The following MEGF6 variants were observed in gnomAD, a reference collection of about 807,000 sequenced individuals.
The protein encoded by MEGF6 is multiple EGF like domains 6.
MEGF6 carries 184 observed loss-of-function variants against 207.1 expected under a neutral mutation model. The ratio of observed to expected loss-of-function variants is 0.89; its 90% confidence interval spans 0.79 to 1.00. The LOEUF (loss-of-function observed/expected upper bound fraction) is 1.00. Ranked by LOEUF, MEGF6 falls within the 50% of genes least tolerant of loss-of-function variation. MEGF6 has a pLI of 0.00. For missense variants in MEGF6, 2,282 were observed against 2,202.9 expected (o/e 1.04, Z -0.72); for synonymous variants, 1,038 against 910.0 (o/e 1.14, Z -2.53).
chr1:3,616,458 C>T (rs1406819853), upstream of MEGF6, among the ~76,000 whole-genome samples: 1 of 152,142 alleles, frequency 6.6e-6, no homozygotes, highest in Non-Finnish European at 1.5e-5. Flanking sequence ...ACACCAACGA[C>T]CACCCCGGAC....
intron 18 of MEGF6, among the ~76,000 whole-genome samples, 184 bp from the exon 19 acceptor site, chr1:3,501,492 C>T (rs1248125297): frequency 6.6e-6 from 1 of 152,066 alleles, no homozygotes; most frequent in Non-Finnish European, 1.5e-5. Context: ...GGGGTGCGCA[C>T]CCACAGTAGA....
chr1:3,514,342 A>G (rs1219330425), intron 7 of MEGF6, among the ~76,000 whole-genome samples: 1 of 151,844 alleles, frequency 6.6e-6, no homozygotes, highest in Non-Finnish European at 1.5e-5. Flanking sequence ...TCGGGCTGGG[A>G]GCAGCTTTTG....
intron 30 of MEGF6, among the ~76,000 whole-genome samples, chr1:3,495,225 C>A (rs1640551384): frequency 2.0e-5 from 3 of 152,178 alleles, no homozygotes; most frequent in Non-Finnish European, 4.4e-5. Context: ...TGAGGCGGGG[C>A]CAAGCTACAT....
intron 5 of MEGF6, among the ~76,000 whole-genome samples, chr1:3,522,494 C>T (rs563588208): frequency 2.6e-5 from 4 of 152,140 alleles, no homozygotes; most frequent in South Asian, 4.1e-4. Context: ...CAGATTAAGC[C>T]TTCTGGGGCC....
rs1641185867 is a variant in MEGF6 at position 3,508,053 on chromosome 1, A to ACCCCTG, written c.1661-136_1661-131dup. On this transcript the variant is annotated intron_variant, in intron 13 of 36. Transcript: ENST00000356575. ...AAAATGATGGCACTTGTACCACATCACCCCTGCCCATGCTCATGGCAGACA... is the reference window on the plus strand; with the variant it reads ...AAAATGATGGCACTTGTACCACATCACCCCTGCCCCTGCCCATGCTCATGGCAGACA... 3 of 989,822 alleles carry ACCCCTG rather than the reference A, an allele frequency of 3.0e-6. No homozygotes were observed. In the East Asian group the frequency reaches 8.0e-5, roughly 26 times the overall value. 61.3% of individuals were successfully genotyped at this position (989,822 alleles called of 1,614,324 possible). A position where few individuals can be genotyped will look rare whatever the true frequency, so the allele number is the denominator to read the frequency against.
chr1:3,517,528 T>C (rs1641588987), intron 5 of MEGF6, among the ~76,000 whole-genome samples: 1 of 152,204 alleles, frequency 6.6e-6, no homozygotes. Context: ...CCCGGAAAGC[T>C]GAACCAGGCA....
chr1:3,504,885 C>A (rs547730677), intron 17 of MEGF6, among the ~76,000 whole-genome samples: 36 of 152,326 alleles, frequency 2.4e-4, no homozygotes, highest in Middle Eastern at 3.4e-3. Flanking sequence ...GAAGCCCAGT[C>A]TGTTCTGGTC....
the MEGF6 span, among the ~76,000 whole-genome samples, chr1:3,622,206 C>T: frequency 6.6e-6 from 1 of 152,076 alleles, no homozygotes; most frequent in Admixed American, 6.6e-5. Flanking sequence ...AATTGTAATC[C>T]CCACATGTCG....
rs964887766 is a variant in MEGF6, at chr1:3,556,830, T to C, written c.481+22995A>G. 3.3e-5 allele frequency among the ~76,000 whole-genome samples: 5 copies of C among 152,168 alleles called. No individual in the cohort carries two copies. The highest frequency in any genetic ancestry group is 7.3e-5 in the Non-Finnish European group (5 of 68,030). On this transcript the variant is annotated intron_variant, in intron 4 of 36. Coordinates refer to ENST00000356575, the MANE Select transcript of MEGF6 (RefSeq NM_001409.4). The surrounding 1 kb of genome is among the most constrained non-coding windows in gnomAD (Gnocchi z 4.4). Reference sequence around the variant, plus strand: ...TCACAGACCGGAGAATGTTAAAAACTGCCGAGCCTGCCGGGTGAGGATGGT... The same window carrying C: ...TCACAGACCGGAGAATGTTAAAAACCGCCGAGCCTGCCGGGTGAGGATGGT...
chr1:3,588,016 A>G (rs1316970115), intron 3 of MEGF6, among the ~76,000 whole-genome samples: 1 of 1,366 alleles, frequency 7.3e-4, no homozygotes. Context: ...GCAGGAGGGG[A>G]CAGGAGGGGG....
At chr1:3,500,295 G>A (rs951088377) in intron 21 of MEGF6, among the ~76,000 whole-genome samples, 2 of 152,258 alleles carry the variant, frequency 1.3e-5, no homozygotes, top group Non-Finnish European at 2.9e-5. Flanking sequence ...CCCACAGTGG[G>A]GGACAGACCC....
chr1:3,556,987 G>A lies in MEGF6; in HGVS notation c.481+22838C>T, dbSNP rs1643053357. ...TGGAATCACATGGAGTTTCATGGGT[G>A]CTGGGGATGCGGGGAAGGCAGGAGG... On this transcript the variant is annotated intron_variant, in intron 4 of 36. Coordinates refer to ENST00000356575, the MANE Select transcript of MEGF6 (RefSeq NM_001409.4). The surrounding 1 kb of genome is among the most constrained non-coding windows in gnomAD (Gnocchi z 4.4). Among the ~76,000 whole-genome samples, 2 of 152,324 alleles carry A rather than the reference G, an allele frequency of 1.3e-5. No individual in the cohort carries two copies. The highest frequency in any genetic ancestry group is 4.1e-4 in the South Asian group (2 of 4,824).
intron 18 of MEGF6, 86 bp downstream of exon 18, chr1:3,501,710 G>C: frequency 6.6e-7 from 1 of 1,508,954 alleles, no homozygotes; most frequent in Non-Finnish European, 8.9e-7. Context: ...GGATCCGCAG[G>C]GCTGGGGCCC....
rs1293701823 is a variant in MEGF6 at position 3,495,880 on chromosome 1, G to C, written c.3871+10C>G. The C allele has an allele frequency of 6.3e-7, 1 of 1,597,930 alleles. No homozygotes were observed. The highest frequency in any genetic ancestry group is 8.5e-7 in the Non-Finnish European group (1 of 1,179,166). ...GGCCTGTGAGCATGCCCTCTGGAGT[G>C]AACACTCACCTCGCTCACAGCGGAC... On this transcript the variant is annotated intron_variant, in intron 30 of 36. Coordinates refer to ENST00000356575, the MANE Select transcript of MEGF6 (RefSeq NM_001409.4).
At position 3,611,086 on chromosome 1, in the gene MEGF6, G is replaced by T. The variant is rs1403197358; in HGVS notation, c.131+52C>A. 3 of 1,424,638 alleles carry T rather than the reference G, an allele frequency of 2.1e-6. No homozygotes were observed. In the African/African-American group the frequency reaches 4.5e-5, roughly 21 times the overall value. 88.2% of individuals were successfully genotyped at this position (1,424,638 alleles called of 1,614,324 possible). A position where few individuals can be genotyped will look rare whatever the true frequency, so the allele number is the denominator to read the frequency against. On this transcript the variant is annotated intron_variant, in intron 1 of 36. Transcript: ENST00000356575. ...CTCGGTCCACCACGGGCCTCCAGAG[G>T]CCCCGGGGTCCCTGGACGACCGGCC...
chr1:3,495,649 G>A lies in MEGF6; in HGVS notation c.3871+241C>T, dbSNP rs187847357. On this transcript the variant is annotated intron_variant, in intron 30 of 36. Coordinates refer to ENST00000356575, the MANE Select transcript of MEGF6 (RefSeq NM_001409.4). ...GGGGTCACTGGGTGGCCTGAGCCTC[G>A]GGGGCTGAGTGTCGAGGTAGGGGCT... Among the ~76,000 whole-genome samples the A allele has an allele frequency of 2.7e-3, 412 of 152,284 alleles. 1 individual carries two copies. The highest frequency in any genetic ancestry group is 4.2e-3 in the Non-Finnish European group (287 of 68,022).
In MEGF6 at chr1:3,497,480, G is replaced by A. The variant is rs553872555; in HGVS notation, c.3353-119C>T. On this transcript the variant is annotated intron_variant, in intron 26 of 36. Coordinates refer to ENST00000356575, the MANE Select transcript of MEGF6 (RefSeq NM_001409.4). Reference sequence around the variant, plus strand: ...CCACCCAATGCTGGCTGAACTGGGGGCTGTGCTCACCATTCTCACACCTGG... The same window carrying A: ...CCACCCAATGCTGGCTGAACTGGGGACTGTGCTCACCATTCTCACACCTGG... 44 of 1,279,628 alleles carry A rather than the reference G, an allele frequency of 3.4e-5. 1 individual carries two copies. The South Asian group carries it at 5.5e-4, about 16-fold the overall frequency. The allele number at this position is 1,279,628 out of a possible 1,614,324, so 79.3% of individuals were successfully genotyped here.
At chr1:3,568,212 A>G (rs1398477326) in intron 4 of MEGF6, among the ~76,000 whole-genome samples, 1 of 152,090 alleles carries the variant, frequency 6.6e-6, no homozygotes, top group Non-Finnish European at 1.5e-5. Context: ...TGGAGTGATG[A>G]GGGGGTGAAG....
rs547550611 is a variant in MEGF6, at chr1:3,544,535, C to T, written c.482-20289G>A. On this transcript the variant is annotated intron_variant, in intron 4 of 36. Coordinates refer to ENST00000356575, the MANE Select transcript of MEGF6 (RefSeq NM_001409.4). Reference sequence around the variant, plus strand: ...TCCTGGGTCACCTCAAGAGCCTGCCCTCATGCAGGGGCTGCTGGAACAGGC... The same window carrying T: ...TCCTGGGTCACCTCAAGAGCCTGCCTTCATGCAGGGGCTGCTGGAACAGGC... Among the ~76,000 whole-genome samples, 3 of 152,316 alleles carry T rather than the reference C, an allele frequency of 2.0e-5. No homozygotes were observed. The South Asian group carries it at 6.2e-4, about 32-fold the overall frequency.
Sources: allele counts gnomAD v4.1 joint callset (sites outside exome capture counted in the v4.1 genomes callset), GRCh38; gene constraint gnomAD v4.1.1; non-coding constraint Gnocchi (gnomAD v3.1); transcripts MANE v1.5; gene names NCBI Gene and HGNC (gene_info 2026-07-23, HGNC 2026-07-21).